The following FBXO36 variants were observed in gnomAD, a reference collection of about 807,000 sequenced individuals.
FBXO36 encodes F-box only protein 36.
FBXO36 carries 18 observed loss-of-function variants against 17.0 expected under a neutral mutation model. The observed-to-expected ratio is 1.06, with a 90% CI of 0.73 to 1.57. The LOEUF is 1.57. Ranked by LOEUF, FBXO36 falls within the 40% of genes most tolerant of loss-of-function variation. The pLI, the probability that FBXO36 is intolerant of heterozygous loss-of-function variation, is 0.00. For missense variants in FBXO36, 229 were observed against 221.9 expected (o/e 1.03, Z -0.20); for synonymous variants, 83 against 85.3 (o/e 0.97, Z 0.15).
At chr2:229,993,343 A>G (rs1248554438) in intron 2 of FBXO36, among the ~76,000 whole-genome samples, 8 of 152,224 alleles carry the variant, frequency 5.3e-5, no homozygotes, top group Non-Finnish European at 8.8e-5. Context: ...TAAGACTTCA[A>G]AAGAACTTGT....
intron 2 of FBXO36, among the ~76,000 whole-genome samples, chr2:229,990,989 C>G (rs1303490726): frequency 6.6e-6 from 1 of 151,672 alleles, no homozygotes; most frequent in African/African-American, 2.4e-5. Context: ...GTCACCCAGG[C>G]TGGAGTGCAG....
rs114329924 is a variant in FBXO36, at chr2:229,943,814, C to A, written c.96+21205C>A. Among the ~76,000 whole-genome samples, 1,064 of 152,240 alleles carry A rather than the reference C, an allele frequency of 7.0e-3. 6 individuals are homozygous for A. Among genetic ancestry groups the A allele is most frequent in the Middle Eastern group, 0.051 (15 of 294 alleles). On this transcript the variant is annotated intron_variant, in intron 1 of 3. Transcript: ENST00000283946. The stretch of plus-strand genomic sequence containing the variant: ...GTCTGTTTGCTGAATGAGATTCTTC[C>A]CCCAAATATGGTTTGGATTTGTGTC...
intron 3 of FBXO36, among the ~76,000 whole-genome samples, chr2:229,997,862 C>A (rs16826505): frequency 0.23 from 35,145 of 152,106 alleles, 4,230 homozygotes; most frequent in East Asian, 0.44. Context: ...CAGTTGTACT[C>A]CCTGGATCCT....
intron 1 of FBXO36, among the ~76,000 whole-genome samples, chr2:229,952,227 C>T (rs753797514): frequency 2.4e-4 from 37 of 152,064 alleles, no homozygotes; most frequent in Non-Finnish European, 4.7e-4. Flanking sequence ...TCTTCTTTTC[C>T]CTCTAGTTTC....
In FBXO36 at chr2:229,976,310, G is replaced by A. The variant is rs1360397845; in HGVS notation, c.166G>A (p.Glu56Lys). Residue 56 changes from glutamate to lysine, a missense_variant, in exon 2 of 4, where the codon GAA becomes AAA. Glu to Lys is a moderately conservative substitution (Grantham distance 56). Transcript: ENST00000283946. ...YRSTKPGEAK[E>K]THEDFLENSH... is the part of the protein sequence containing the mutation. ...ATCAACAAAACCTGGAGAAGCAAAA[G>A]AAACCCATGAAGACTTCCTAGAGAA... 1.2e-6 allele frequency: 2 copies of A among 1,613,762 alleles called. No homozygotes were observed. The highest frequency in any genetic ancestry group is 1.3e-5 in the African/African-American group (1 of 75,028).
intron 3 of FBXO36, among the ~76,000 whole-genome samples, chr2:230,009,355 A>G (rs887410450): frequency 6.6e-6 from 1 of 152,198 alleles, no homozygotes; most frequent in African/African-American, 2.4e-5. Context: ...TCCCACTTAC[A>G]AGTAAGAATG....
At chr2:229,968,073 C>T (rs9678602) in intron 1 of FBXO36, among the ~76,000 whole-genome samples, 39,957 of 151,852 alleles carry the variant, frequency 0.26, 6,556 homozygotes, top group Middle Eastern at 0.43. Flanking sequence ...TTGGTCTATT[C>T]GGAGATTCAA....
chr2:229,968,971 AC>A (rs2077167585), intron 1 of FBXO36, among the ~76,000 whole-genome samples: 1 of 151,278 alleles, frequency 6.6e-6, no homozygotes, highest in African/African-American at 2.4e-5. Context: ...ACGGGGTTTC[AC>A]CATGTTGGCC....
intron 1 of FBXO36, among the ~76,000 whole-genome samples, chr2:229,939,468 G>A (rs532506120): frequency 2.0e-5 from 3 of 151,810 alleles, no homozygotes; most frequent in Admixed American, 6.6e-5. Flanking sequence ...AAAATTAGCC[G>A]GACATGGTGG....
intron 1 of FBXO36, among the ~76,000 whole-genome samples, chr2:229,966,142 T>C (rs1366732226): frequency 2.6e-5 from 4 of 152,242 alleles, no homozygotes; most frequent in African/African-American, 9.6e-5. Flanking sequence ...ATGATGAGCA[T>C]TTTTTCCTGT....
chr2:229,963,357 C>G (rs560915914), intron 1 of FBXO36, among the ~76,000 whole-genome samples: 7 of 152,000 alleles, frequency 4.6e-5, no homozygotes, highest in Non-Finnish European at 7.4e-5. Context: ...AGCGACCGTG[C>G]CCGGCCCCCC....
intron 1 of FBXO36, among the ~76,000 whole-genome samples, chr2:229,947,760 A>G (rs1006970171): frequency 2.6e-5 from 4 of 152,226 alleles, no homozygotes; most frequent in African/African-American, 9.6e-5. Context: ...TAGTGCCACC[A>G]AAATAAGGAA....
At chr2:229,958,174 A>T (rs566110209) in intron 1 of FBXO36, among the ~76,000 whole-genome samples, 42 of 147,456 alleles carry the variant, frequency 2.8e-4, no homozygotes, top group East Asian at 8.1e-4. Context: ...TAAAAAAAAA[A>T]TTTTTTTTAA....
At chr2:229,966,081 T>C (rs2077151016) in intron 1 of FBXO36, among the ~76,000 whole-genome samples, 1 of 152,236 alleles carries the variant, frequency 6.6e-6, no homozygotes, top group African/African-American at 2.4e-5. Context: ...CTAACTGGTA[T>C]GAGATGGTAT....
At chr2:229,957,197 G>A (rs1291799644) in intron 1 of FBXO36, among the ~76,000 whole-genome samples, 1 of 152,196 alleles carries the variant, frequency 6.6e-6, no homozygotes, top group Non-Finnish European at 1.5e-5. Flanking sequence ...ATAGATGCAG[G>A]CATCCCGCAG....
chr2:229,968,864 C>G (rs1167668946), intron 1 of FBXO36, among the ~76,000 whole-genome samples: 1 of 150,908 alleles, frequency 6.6e-6, no homozygotes, highest in Non-Finnish European at 1.5e-5. Context: ...ACCACTGACT[C>G]CCAGGTTCAA....
chr2:230,005,526 A>T (rs552562555), intron 3 of FBXO36, among the ~76,000 whole-genome samples: 15 of 152,348 alleles, frequency 9.8e-5, no homozygotes, highest in African/African-American at 3.1e-4. Context: ...ACTATTTAAA[A>T]TACTCAAAGA....
intron 1 of FBXO36, chr2:229,938,996 G>C (rs1035664363): frequency 1.3e-5 from 2 of 151,786 alleles, no homozygotes; most frequent in Non-Finnish European, 2.9e-5. Context: ...ACCGCGCCCA[G>C]CCGGATGGGT....
intron 3 of FBXO36, among the ~76,000 whole-genome samples, chr2:230,008,469 G>A (rs191250376): frequency 6.6e-6 from 1 of 152,096 alleles, no homozygotes; most frequent in Admixed American, 6.6e-5. Flanking sequence ...TCAGGGTTTG[G>A]GAGTCATAGA....
Sources: allele counts gnomAD v4.1 joint callset (sites outside exome capture counted in the v4.1 genomes callset), GRCh38; gene constraint gnomAD v4.1.1; transcripts MANE v1.5; gene names NCBI Gene and HGNC (gene_info 2026-07-23, HGNC 2026-07-21).